The following MASTL variants were observed in gnomAD, a reference collection of about 807,000 sequenced individuals.
MASTL encodes the protein serine/threonine-protein kinase greatwall.
Under a neutral mutation model 82.5 loss-of-function variants are expected in MASTL, and 54 were observed. The ratio of observed to expected loss-of-function variants is 0.65; its 90% confidence interval spans 0.53 to 0.82. The LOEUF (loss-of-function observed/expected upper bound fraction) is 0.82, where lower values mean the gene tolerates loss of function less well. Among genes scored for constraint, MASTL ranks in the 40% least tolerant of loss-of-function variants. The pLI is 0.00. For missense variants in MASTL, 950 were observed against 1,047.8 expected (o/e 0.91, Z 1.29); for synonymous variants, 323 against 368.9 (o/e 0.88, Z 1.43).
At chr10:27,173,017 TA>T (rs1327792920) in intron 8 of MASTL, 100 bp from the exon 9 acceptor site, 1 of 1,370,096 alleles carries the variant, frequency 7.3e-7, no homozygotes, top group Non-Finnish European at 1.0e-6. Context: ...TTACGCCTAG[TA>T]GCCTATGAGC....
intron 9 of MASTL, among the ~76,000 whole-genome samples, chr10:27,180,244 A>G (rs1013548556): frequency 1.3e-5 from 2 of 152,242 alleles, no homozygotes; most frequent in Non-Finnish European, 2.9e-5. Flanking sequence ...GGTTGTAACG[A>G]GCAAGTCACC....
At position 27,176,851 on chromosome 10, in the gene MASTL, T is replaced by C. The variant is rs1180916513; in HGVS notation, c.2266+3592T>C. On this transcript the variant is annotated intron_variant, in intron 9 of 11. Transcript: ENST00000375940. ...ACTGTGAGTTTTCTTTCTTTTTTCT[T>C]TTTTTTTTTTTTTTGAGACAGTCTC... 1.0e-3 allele frequency among the ~76,000 whole-genome samples: 10 copies of C among 9,982 alleles called. No individual in the cohort carries two copies. In the East Asian group the frequency reaches 0.018, roughly 18 times the overall value. 6.5% of individuals were successfully genotyped at this position (9,982 alleles called of 152,430 possible). A position where few individuals can be genotyped will look rare whatever the true frequency, so the allele number is the denominator to read the frequency against.
At chr10:27,184,616 A>G (rs1039864584) in intron 11 of MASTL, among the ~76,000 whole-genome samples, 54 of 122,208 alleles carry the variant, frequency 4.4e-4, no homozygotes, top group African/African-American at 1.6e-3. Flanking sequence ...GCTGGAGTGC[A>G]GTGGCATGAT....
At chr10:27,164,634 C>CTTAT (rs2057681303) in intron 4 of MASTL, among the ~76,000 whole-genome samples, 2 of 151,974 alleles carry the variant, frequency 1.3e-5, no homozygotes, top group African/African-American at 4.8e-5. Context: ...ATACCATCTC[C>CTTAT]TTATTTATTT....
At chr10:27,169,816 C>A in intron 7 of MASTL, 128 bp from the exon 8 acceptor site, 1 of 809,058 alleles carries the variant, frequency 1.2e-6, no homozygotes, top group Non-Finnish European at 2.0e-6. Flanking sequence ...TTATTTTTTC[C>A]ATTTGAAAGT....
At chr10:27,181,648 T>C in intron 11 of MASTL, 67 bp downstream of exon 11, 1 of 1,238,670 alleles carries the variant, frequency 8.1e-7, no homozygotes, top group Non-Finnish European at 1.2e-6. Flanking sequence ...TTTATAAAAA[T>C]AGCAAGTTCT....
chr10:27,185,309 T>C (rs141646794), intron 11 of MASTL, among the ~76,000 whole-genome samples: 11 of 152,150 alleles, frequency 7.2e-5, no homozygotes, highest in Admixed American at 1.3e-4. Context: ...TAGGCCACAC[T>C]CTCTTCCCCT....
At chr10:27,155,222 A>C, upstream of MASTL, 1 of 597,850 alleles carries the variant, frequency 1.7e-6, no homozygotes, top group Non-Finnish European at 3.0e-6. Flanking sequence ...GCCGCCCACG[A>C]AGAGTGTAAG....
intron 11 of MASTL, among the ~76,000 whole-genome samples, chr10:27,185,328 G>T (rs1398722145): frequency 2.0e-5 from 3 of 152,060 alleles, no homozygotes; most frequent in African/African-American, 7.2e-5. Flanking sequence ...CTGAGTCAGG[G>T]ATTCTTTAAC....
chr10:27,185,222 G>GC (rs1167123071), intron 11 of MASTL, among the ~76,000 whole-genome samples: 1 of 152,204 alleles, frequency 6.6e-6, no homozygotes, highest in African/African-American at 2.4e-5. Context: ...GAAACAGGTG[G>GC]CAAGGCCTTA....
chr10:27,170,145 G>A lies in MASTL; in HGVS notation c.1186G>A (p.Glu396Lys), dbSNP rs141882356. The A allele has an allele frequency of 1.9e-6, 3 of 1,614,142 alleles. No individual in the cohort carries two copies. Among genetic ancestry groups the A allele is most frequent in the Non-Finnish European group, 2.5e-6 (3 of 1,180,002 alleles). ...VNLAKKCFSG[E>K]VSWEAVELDV... ...CCTTGCTAAAAAATGCTTCTCTGGGGAAGTTTCTTGGGAAGCAGTAGAACT... is the reference window on the plus strand; with the variant it reads ...CCTTGCTAAAAAATGCTTCTCTGGGAAAGTTTCTTGGGAAGCAGTAGAACT... Residue 396 changes from glutamate (E) to lysine (K), a missense_variant, in exon 8 of 12, where the codon GAA becomes AAA. By Grantham distance (56) the Glu-to-Lys change is moderately conservative. Coordinates refer to ENST00000375940, the MANE Select transcript of MASTL (RefSeq NM_001172303.3).
In MASTL at chr10:27,171,011, G is replaced by A. The variant is rs941690270; in HGVS notation, c.2052G>A (p.Ser684=). The change falls in exon 8 of 12, where the codon TCG becomes TCA. Residue 684 remains serine (S), a synonymous_variant. Coordinates refer to ENST00000375940, the MANE Select transcript of MASTL (RefSeq NM_001172303.3). ...CTTCTTTAGATGCAATGGATATTTC[G>A]TGTGCCTACAGTGGTTCATATCCCA... ...NMTSLDAMDI[S]CAYSGSYPMA... 10 of 1,613,926 alleles carry A rather than the reference G, an allele frequency of 6.2e-6. No homozygotes were observed. Among genetic ancestry groups the A allele is most frequent in the African/African-American group, 5.3e-5 (4 of 74,896 alleles).
Position 27,170,001 on chromosome 10 carries a change from T to G in MASTL, c.1042T>G (p.Cys348Gly), listed in dbSNP as rs915285206. 6 of 1,614,062 alleles carry G rather than the reference T, an allele frequency of 3.7e-6. No individual in the cohort carries two copies. The highest frequency in any genetic ancestry group is 5.1e-6 in the Non-Finnish European group (6 of 1,180,038). The change falls in exon 8 of 12, where the codon TGC becomes GGC. Residue 348 changes from cysteine (C) to glycine (G), a missense_variant. By Grantham distance (159) the Cys-to-Gly change is radical. Coordinates refer to ENST00000375940, the MANE Select transcript of MASTL (RefSeq NM_001172303.3). ...GAGTTGGAATGCAGTTGAAAAGTTA[T>G]GCGCAAAATCTGCAAATGCCATTGA... ...MMSWNAVEKL[C>G]AKSANAIETK...
intron 4 of MASTL, among the ~76,000 whole-genome samples, chr10:27,162,034 C>G (rs899719929): frequency 3.3e-5 from 5 of 152,138 alleles, no homozygotes; most frequent in African/African-American, 9.7e-5. Flanking sequence ...AATGAACCAT[C>G]TTACACTATT....
At chr10:27,175,638 A>T (rs1014022549) in intron 9 of MASTL, among the ~76,000 whole-genome samples, 1 of 151,802 alleles carries the variant, frequency 6.6e-6, no homozygotes, top group Non-Finnish European at 1.5e-5. Flanking sequence ...TTTGCCCTAC[A>T]CGTGCTCCAT....
chr10:27,184,553 G>GTTTTTT (rs2058535007), intron 11 of MASTL, among the ~76,000 whole-genome samples: 1 of 74,918 alleles, frequency 1.3e-5, no homozygotes, highest in Non-Finnish European at 2.8e-5. Flanking sequence ...ATATAAGAAG[G>GTTTTTT]ATTTTTTTTT....
Position 27,186,360 on chromosome 10 carries a change from G to A in MASTL, c.2483-19G>A. On this transcript the variant is annotated intron_variant, in intron 11 of 11. Transcript: ENST00000375940. ...TTAGGTAATGATATCATACTGTTTT[G>A]TTTTATATTTTTCCTAAGAGCTAAA... The A allele has an allele frequency of 6.2e-7, 1 of 1,611,688 alleles. No individual in the cohort carries two copies. The highest frequency in any genetic ancestry group is 8.5e-7 in the Non-Finnish European group (1 of 1,177,856).
At chr10:27,182,615 G>A (rs543328992) in intron 11 of MASTL, among the ~76,000 whole-genome samples, 5 of 152,138 alleles carry the variant, frequency 3.3e-5, no homozygotes, top group Admixed American at 2.6e-4. Flanking sequence ...AAGGCAGTGC[G>A]CACCTGTAGT....
intron 6 of MASTL, among the ~76,000 whole-genome samples, chr10:27,166,005 G>C (rs985791374): frequency 4.0e-5 from 6 of 151,468 alleles, no homozygotes; most frequent in Admixed American, 1.3e-4. Context: ...TCAGGAGTTC[G>C]AGACCAGCCT....
Sources: allele counts gnomAD v4.1 joint callset (sites outside exome capture counted in the v4.1 genomes callset), GRCh38; gene constraint gnomAD v4.1.1; transcripts MANE v1.5; gene names NCBI Gene and HGNC (gene_info 2026-07-23, HGNC 2026-07-21).